Variants in EFCAB5 observed in about 807,000 individuals in gnomAD.
The protein encoded by EFCAB5 is EF-hand calcium-binding domain-containing protein 5.
A neutral mutation model predicts 167.9 loss-of-function variants in EFCAB5; 131 were observed. That is an observed-to-expected ratio of 0.78 (90% confidence interval 0.68 to 0.90). The LOEUF (loss-of-function observed/expected upper bound fraction) is 0.90, where lower values mean the gene tolerates loss of function less well. Ranked by LOEUF, EFCAB5 falls within the 40% of genes least tolerant of loss-of-function variation. The pLI is 0.00. For synonymous variants in EFCAB5, 574 were observed against 602.8 expected (o/e 0.95, Z 0.70); for missense variants, 1,663 against 1,745.2 (o/e 0.95, Z 0.84).
intron 12 of EFCAB5, among the ~76,000 whole-genome samples, chr17:30,057,377 GCTAA>G (rs967917084): frequency 1.3e-5 from 2 of 152,110 alleles, no homozygotes; most frequent in Non-Finnish European, 2.9e-5. Flanking sequence ...AAGTTCTGAG[GCTAA>G]CTCTCATTGG....
intron 14 of EFCAB5, among the ~76,000 whole-genome samples, chr17:30,070,157 C>G (rs988548475): frequency 1.3e-5 from 2 of 152,006 alleles, no homozygotes; most frequent in Non-Finnish European, 2.9e-5. Flanking sequence ...AACCAATAAA[C>G]AGACTCACTG....
chr17:29,988,417 T>C (rs1341377972), intron 4 of EFCAB5, among the ~76,000 whole-genome samples: 3 of 152,206 alleles, frequency 2.0e-5, no homozygotes, highest in Non-Finnish European at 4.4e-5. Flanking sequence ...CAGTTACAGC[T>C]ACAAGCTCCA....
chr17:30,017,734 AT>A (rs1296457241), intron 7 of EFCAB5, among the ~76,000 whole-genome samples: 3 of 152,168 alleles, frequency 2.0e-5, no homozygotes, highest in Admixed American at 1.3e-4. Context: ...ATATCCTACC[AT>A]AAAAGATGAG....
intron 7 of EFCAB5, among the ~76,000 whole-genome samples, chr17:30,004,119 C>T (rs1176782301): frequency 6.6e-6 from 1 of 152,250 alleles, no homozygotes; most frequent in Non-Finnish European, 1.5e-5. Flanking sequence ...CTTCTCCCCT[C>T]TCATAAGGCG....
In EFCAB5 at chr17:30,059,634, T is replaced by G. The variant is rs757698286; in HGVS notation, c.2670T>G (p.Asp890Glu). 6.2e-6 allele frequency: 10 copies of G among 1,613,030 alleles called. No individual in the cohort carries two copies. The stretch of plus-strand genomic sequence containing the variant: ...ACAGTGATGGCTCAGGCTTCCTGGA[T>G]CTGAAGGAAGTTGATGAACTCTTGT... ...KWDSDGSGFL[D>E]LKEVDELLYT... Residue 890 changes from aspartate (D) to glutamate (E), a missense_variant, in exon 14 of 23, where the codon GAT becomes GAG. Physicochemically the swap from Asp to Glu is conservative, Grantham distance 45. Transcript: ENST00000394835.
intron 3 of EFCAB5, among the ~76,000 whole-genome samples, chr17:29,965,823 G>A (rs1021197552): frequency 1.2e-4 from 18 of 152,032 alleles, no homozygotes; most frequent in Admixed American, 1.2e-3. Context: ...CTTCAGTAAA[G>A]TTTTATAGCT....
chr17:29,993,863 A>T (rs1382229756), intron 5 of EFCAB5, among the ~76,000 whole-genome samples: 2 of 151,994 alleles, frequency 1.3e-5, no homozygotes, highest in Non-Finnish European at 2.9e-5. Context: ...TCACACCTAT[A>T]ATCCCAGCAC....
At chr17:29,940,924 C>A (rs1461411867), upstream of EFCAB5, among the ~76,000 whole-genome samples, 2 of 151,796 alleles carry the variant, frequency 1.3e-5, no homozygotes, top group African/African-American at 4.8e-5. Context: ...CCTGTAGTCC[C>A]AGCTACTCGG....
intron 7 of EFCAB5, among the ~76,000 whole-genome samples, chr17:30,000,310 A>G (rs2068634764): frequency 6.6e-6 from 1 of 152,196 alleles, no homozygotes; most frequent in African/African-American, 2.4e-5. Context: ...GCCAGGTATC[A>G]TACATGAACT....
rs145206976 is a variant in EFCAB5 at position 30,049,094 on chromosome 17, A to G, written c.1201-2024A>G. 8.3e-3 allele frequency among the ~76,000 whole-genome samples: 1,267 copies of G among 152,178 alleles called. 8 individuals carry two copies. Among genetic ancestry groups the G allele is most frequent in the Middle Eastern group, 0.014 (4 of 294 alleles). Reference sequence around the variant, plus strand: ...CAGGTCCATGATATCCATCATGATGATTGGACTTGATGAGCTGAAAGCAGC... The same window carrying G: ...CAGGTCCATGATATCCATCATGATGGTTGGACTTGATGAGCTGAAAGCAGC... On this transcript the variant is annotated intron_variant, in intron 8 of 22. Coordinates refer to ENST00000394835, the MANE Select transcript of EFCAB5 (RefSeq NM_198529.4).
At chr17:30,031,023 T>A (rs1223628524) in intron 7 of EFCAB5, among the ~76,000 whole-genome samples, 8 of 152,102 alleles carry the variant, frequency 5.3e-5, no homozygotes, top group African/African-American at 1.7e-4. Flanking sequence ...AAATACCAAT[T>A]TTTTTTTCAG....
intron 17 of EFCAB5, among the ~76,000 whole-genome samples, chr17:30,082,674 G>A (rs1000864407): frequency 6.6e-6 from 1 of 152,134 alleles, no homozygotes; most frequent in Admixed American, 6.5e-5. Flanking sequence ...TTACAGGCAT[G>A]AGCCATGGCA....
chr17:30,034,423 A>G (rs1258811933), intron 8 of EFCAB5, 38 bp downstream of exon 8: 1 of 1,549,526 alleles, frequency 6.5e-7, no homozygotes, highest in East Asian at 2.4e-5. Flanking sequence ...TCTTGGCCAG[A>G]CACTGTGGCT....
intron 17 of EFCAB5, among the ~76,000 whole-genome samples, chr17:30,082,264 CAT>C (rs2071002020): frequency 6.6e-6 from 1 of 152,138 alleles, no homozygotes; most frequent in Admixed American, 6.6e-5. Flanking sequence ...GGCTTTTTAA[CAT>C]TTTTTTCTCA....
chr17:29,993,386 A>T, intron 5 of EFCAB5, 65 bp downstream of exon 5: 1 of 1,511,774 alleles, frequency 6.6e-7, no homozygotes, highest in Non-Finnish European at 9.0e-7. Flanking sequence ...AATTGCTAGA[A>T]TACTGAGTAG....
intron 7 of EFCAB5, among the ~76,000 whole-genome samples, chr17:30,021,506 A>G (rs1318405374): frequency 6.7e-6 from 1 of 149,116 alleles, no homozygotes; most frequent in African/African-American, 2.4e-5. Context: ...AAATGGAGTG[A>G]TATACATTAT....
chr17:30,002,514 A>G (rs1196582186), intron 7 of EFCAB5, among the ~76,000 whole-genome samples: 1 of 152,204 alleles, frequency 6.6e-6, no homozygotes, highest in Non-Finnish European at 1.5e-5. Context: ...CCACTTTGCC[A>G]ATTAAAACAT....
intron 7 of EFCAB5, among the ~76,000 whole-genome samples, chr17:30,006,298 T>A (rs1289641001): frequency 2.0e-5 from 3 of 152,208 alleles, no homozygotes; most frequent in Admixed American, 2.0e-4. Context: ...AAAAAAATTT[T>A]AAAATTTTAT....
intron 7 of EFCAB5, among the ~76,000 whole-genome samples, chr17:30,019,523 G>A (rs1180254309): frequency 1.3e-5 from 2 of 149,188 alleles, no homozygotes; most frequent in Non-Finnish European, 3.0e-5. Context: ...TCAGCTCACT[G>A]CAACCTCCGC....
Sources: allele counts gnomAD v4.1 joint callset (sites outside exome capture counted in the v4.1 genomes callset), GRCh38; gene constraint gnomAD v4.1.1; transcripts MANE v1.5; gene names NCBI Gene and HGNC (gene_info 2026-07-23, HGNC 2026-07-21).